The following MRC2 variants were observed in gnomAD, a reference collection of about 807,000 sequenced individuals.
MRC2 encodes the protein C-type mannose receptor 2.
A neutral mutation model predicts 206.2 loss-of-function variants in MRC2; 84 were observed. The ratio of observed to expected loss-of-function variants is 0.41; its 90% CI spans 0.34 to 0.49. The LOEUF (loss-of-function observed/expected upper bound fraction) is 0.49, where lower values mean the gene tolerates loss of function less well. MRC2 is among the 20% of genes least tolerant of loss of function. The pLI is 0.31. For missense variants in MRC2, 1,676 were observed against 2,001.5 expected (o/e 0.84, Z 3.10); for synonymous variants, 798 against 800.0 (o/e 1.00, Z 0.04).
chr17:62,665,518 A>G (rs572420235), intron 2 of MRC2, among the ~76,000 whole-genome samples: 76 of 152,330 alleles, frequency 5.0e-4, no homozygotes, highest in African/African-American at 1.8e-3. Context: ...TTCAAATAGT[A>G]TACAAGTATA....
rs138609860 is a variant in MRC2 at position 62,670,378 on chromosome 17, G to T, written c.1118-1271G>T. Among the ~76,000 whole-genome samples the T allele has an allele frequency of 5.9e-5, 9 of 152,334 alleles. No individual in the cohort carries two copies. The East Asian group carries it at 1.7e-3, about 29-fold the overall frequency. On this transcript the variant is annotated intron_variant, in intron 6 of 29. Coordinates refer to ENST00000303375, the MANE Select transcript of MRC2 (RefSeq NM_006039.5). ...TTGGCTAACAAGAGATGATTGACAG[G>T]TCCTGAGCCAGAGAGCGAGCCCACC...
intron 1 of MRC2, among the ~76,000 whole-genome samples, chr17:62,650,408 G>A (rs1333212782): frequency 6.6e-6 from 1 of 152,198 alleles, no homozygotes; most frequent in East Asian, 1.9e-4. Flanking sequence ...GCACCCTGCA[G>A]GCATGCTGCC....
chr17:62,642,697 T>G (rs12452590), intron 1 of MRC2, among the ~76,000 whole-genome samples: 45,212 of 152,086 alleles, frequency 0.3, 8,302 homozygotes, highest in East Asian at 0.63. Context: ...TCCATGTGCC[T>G]CAGCCTCCCA....
At chr17:62,645,918 T>C (rs564462061) in intron 1 of MRC2, among the ~76,000 whole-genome samples, 1 of 152,158 alleles carries the variant, frequency 6.6e-6, no homozygotes, top group South Asian at 2.1e-4. Flanking sequence ...ATGTCATCAA[T>C]GTATTTCTGC....
Position 62,667,002 on chromosome 17 carries a change from T to C in MRC2, c.973+132T>C. 1.4e-6 allele frequency: 1 copy of C among 729,396 alleles called. No homozygotes were observed. Among genetic ancestry groups the C allele is most frequent in the Non-Finnish European group, 2.3e-6 (1 of 432,404 alleles). 45.2% of individuals were successfully genotyped at this position (729,396 alleles called of 1,614,324 possible). A position where few individuals can be genotyped will look rare whatever the true frequency, so the allele number is the denominator to read the frequency against. On this transcript the variant is annotated intron_variant, in intron 5 of 29. Coordinates refer to ENST00000303375, the MANE Select transcript of MRC2 (RefSeq NM_006039.5). This position sits in a 1 kb window ranked among gnomAD's most constrained non-coding sequence, Gnocchi z 4.1. ...GGGGAAGCACCGACCTCCACCCCCC[T>C]CCCCAGACTGCGCCCCCCTAGCCCA...
chr17:62,655,756 A>G (rs1478127822), intron 1 of MRC2, among the ~76,000 whole-genome samples: 1 of 151,944 alleles, frequency 6.6e-6, no homozygotes, highest in Non-Finnish European at 1.5e-5. Context: ...AAAAGAAAAA[A>G]AGAAAGAAAG....
At chr17:62,677,604 G>A in intron 12 of MRC2, 118 bp downstream of exon 12, 1 of 860,948 alleles carries the variant, frequency 1.2e-6, no homozygotes, top group Non-Finnish European at 1.8e-6. Context: ...CTGCAGACGG[G>A]TGATTTCTGG....
At chr17:62,683,098 T>G (rs374174930) in intron 20 of MRC2, among the ~76,000 whole-genome samples, 2 of 76,558 alleles carry the variant, frequency 2.6e-5, no homozygotes, top group Non-Finnish European at 8.3e-5. Context: ...ATGACTAATA[T>G]TATATATAGT....
At chr17:62,654,973 G>A (rs1285793431) in intron 1 of MRC2, among the ~76,000 whole-genome samples, 2 of 152,310 alleles carry the variant, frequency 1.3e-5, no homozygotes, top group South Asian at 2.1e-4. Flanking sequence ...GCAAGACTCC[G>A]TCTCTACAAA....
rs764377465 is a variant in MRC2, at chr17:62,680,395, C to T, written c.2438-23C>T. On this transcript the variant is annotated intron_variant, in intron 15 of 29. Transcript: ENST00000303375. The surrounding 1 kb of genome is among the most constrained non-coding windows in gnomAD (Gnocchi z 4.8). ...CAGGGAGGGTCTCCTTTCCTCACAACGTCTTTGTCCTTGTTCCCCTAGGTA... is the reference window on the plus strand; with the variant it reads ...CAGGGAGGGTCTCCTTTCCTCACAATGTCTTTGTCCTTGTTCCCCTAGGTA... 4.3e-6 allele frequency: 7 copies of T among 1,613,952 alleles called. No homozygotes were observed. The highest frequency in any genetic ancestry group is 1.1e-5 in the South Asian group (1 of 91,092).
At chr17:62,688,179 G>T (rs544992359) in intron 20 of MRC2, 110 bp from the exon 21 acceptor site, 4 of 850,894 alleles carry the variant, frequency 4.7e-6, no homozygotes, top group South Asian at 3.2e-5. Context: ...GTTCTCTCCC[G>T]GCCCTCAAAG....
intron 1 of MRC2, among the ~76,000 whole-genome samples, chr17:62,651,266 T>A (rs1258769262): frequency 6.6e-6 from 1 of 152,106 alleles, no homozygotes; most frequent in East Asian, 1.9e-4. Flanking sequence ...GTACTTTTAG[T>A]AGAGACAGGG....
chr17:62,631,133 T>C (rs1451796083), intron 1 of MRC2, among the ~76,000 whole-genome samples: 1 of 152,118 alleles, frequency 6.6e-6, no homozygotes, highest in Non-Finnish European at 1.5e-5. Flanking sequence ...AATGAGATGA[T>C]TTCGGAAGTG....
intron 1 of MRC2, among the ~76,000 whole-genome samples, chr17:62,635,788 AT>A (rs766181711): frequency 1.5e-3 from 221 of 143,094 alleles, no homozygotes; most frequent in Middle Eastern, 0.011. Context: ...TGTGTCTAGA[AT>A]TTTTTTTTTT....
chr17:62,681,851 C>A lies in MRC2; in HGVS notation c.2717C>A (p.Ser906Tyr). The change falls in exon 19 of 30, where the codon TCC becomes TAC. Residue 906 changes from serine to tyrosine, a missense_variant. Physicochemically the swap from Ser to Tyr is moderately radical, Grantham distance 144. Around this residue, in one of 3 missense-constraint regions of MRC2, gnomAD observed 1,354 missense variants for 1,636.6 expected, o/e 0.83. Transcript: ENST00000303375. ...SDGRFRWTDG[S>Y]IINFISWAPG... ...TGCCATTGCAGATGGACAGATGGTT[C>A]CATTATAAACTTCATCTCCTGGGCA... 3 of 1,613,560 alleles carry A rather than the reference C, an allele frequency of 1.9e-6. No individual in the cohort carries two copies. The highest frequency in any genetic ancestry group is 2.5e-6 in the Non-Finnish European group (3 of 1,179,812).
intron 10 of MRC2, 112 bp from the exon 11 acceptor site, chr17:62,676,271 G>A (rs1278713596): frequency 8.0e-6 from 11 of 1,380,318 alleles, no homozygotes; most frequent in Non-Finnish European, 9.8e-6. Context: ...GCTTTCTTGA[G>A]CAAGTTATTG....
intron 1 of MRC2, among the ~76,000 whole-genome samples, chr17:62,640,099 G>A (rs1197429145): frequency 1.5e-5 from 2 of 134,606 alleles, no homozygotes; most frequent in Non-Finnish European, 3.0e-5. Flanking sequence ...TCGAACTCCT[G>A]ACCTCAGGTG....
chr17:62,629,583 CAGG>C lies in MRC2; in HGVS notation c.118+1671_118+1673del, dbSNP rs556961149. 4.6e-5 allele frequency among the ~76,000 whole-genome samples: 7 copies of C among 152,186 alleles called. No homozygotes were observed. The South Asian group carries it at 1.2e-3, about 27-fold the overall frequency. On this transcript the variant is annotated intron_variant, in intron 1 of 29. Transcript: ENST00000303375. ...GTGAGGTCTTCCAGCAGCAGCTGAG[CAGG>C]AGGAGGATGGAGCTGCTGCAGGTTC...
intron 18 of MRC2, 69 bp from the exon 19 acceptor site, chr17:62,681,768 A>T (rs1215423843): frequency 2.3e-6 from 3 of 1,278,192 alleles, no homozygotes; most frequent in African/African-American, 1.5e-5. Context: ...TGCGGCCTTC[A>T]TTGCTGCATC....
Sources: allele counts gnomAD v4.1 joint callset (sites outside exome capture counted in the v4.1 genomes callset), GRCh38; gene constraint gnomAD v4.1.1; regional missense constraint gnomAD v4.1.1; non-coding constraint Gnocchi (gnomAD v3.1); transcripts MANE v1.5; gene names NCBI Gene and HGNC (gene_info 2026-07-23, HGNC 2026-07-21).